Variants in SLC9A3 observed in about 807,000 individuals in gnomAD.
The protein encoded by SLC9A3 is solute carrier family 9 member A3, also known as sodium/hydrogen exchanger 3.
Under a neutral mutation model 86.8 loss-of-function variants are expected in SLC9A3, and 37 were observed. That is an observed-to-expected ratio of 0.43 (90% CI 0.33 to 0.56). The LOEUF is 0.56. Ranked by LOEUF, SLC9A3 falls within the 20% of genes least tolerant of loss-of-function variation. The pLI is 0.06. For missense variants in SLC9A3, 1,011 were observed against 1,171.9 expected, an observed-to-expected ratio of 0.86 and a Z score of 2.00; for synonymous variants, 581 against 528.3, an observed-to-expected ratio of 1.10 and a Z score of -1.37.
chr5:482,654 G>A lies in SLC9A3; in HGVS notation c.1250C>T (p.Ala417Val). 6.2e-7 allele frequency: 1 copy of A among 1,612,662 alleles called. No individual in the cohort carries two copies. The change falls in exon 7 of 17, where the codon GCC (alanine) becomes GTC (valine). Residue 417 changes from alanine to valine, a missense_variant. Coordinates refer to ENST00000264938, the MANE Select transcript of SLC9A3 (RefSeq NM_004174.4). ...VVLSYGGLRGAVAFALVVLLD... is the reference protein window; with the variant it reads ...VVLSYGGLRGVVAFALVVLLD... ...AAGCACCACCAGGGCAAAGGCCACG[G>A]CCCCGCGCAGGCCCCCGTAGGACAG... is the stretch of plus-strand genomic sequence containing the variant.
chr5:477,525 C>T (rs2126607411), intron 10 of SLC9A3, 81 bp from the exon 11 acceptor site: 2 of 944,836 alleles, frequency 2.1e-6, no homozygotes, highest in East Asian at 2.9e-5. Flanking sequence ...GGGGGAAGCG[C>T]CCAGAGCTCG....
Position 471,822 on chromosome 5 carries a change from C to G in SLC9A3, c.*1557G>C. ...GCAGGCTTTTGTGTGGCTGACGCTT[C>G]CCTTTTTCACAACAGTAAAAAGCTA... On this transcript the variant is annotated 3_prime_UTR_variant, in exon 17 of 17. Coordinates refer to ENST00000264938, the MANE Select transcript of SLC9A3 (RefSeq NM_004174.4). The G allele has an allele frequency of 4.4e-6, 2 of 456,624 alleles. No homozygotes were observed. The highest frequency in any genetic ancestry group is 3.1e-5 in the South Asian group (2 of 64,566). The allele number at this position is 456,624 out of a possible 1,614,324, so 28.3% of individuals were successfully genotyped here.
chr5:492,867 G>A (rs1361723794), intron 1 of SLC9A3, among the ~76,000 whole-genome samples: 2 of 152,082 alleles, frequency 1.3e-5, no homozygotes, highest in African/African-American at 4.8e-5. Flanking sequence ...CCCTCTCCTC[G>A]TGCCCCTCTC....
chr5:493,648 C>A (rs1739894937), intron 1 of SLC9A3, among the ~76,000 whole-genome samples: 1 of 152,276 alleles, frequency 6.6e-6, no homozygotes, highest in Non-Finnish European at 1.5e-5. Context: ...CAGCACTGCA[C>A]TGCGGTCTCC....
chr5:516,608 G>A (rs1733738601), intron 1 of SLC9A3, among the ~76,000 whole-genome samples: 1 of 152,228 alleles, frequency 6.6e-6, no homozygotes, highest in Admixed American at 6.5e-5. Context: ...ATATAGCTAA[G>A]GCATAGCTAA....
In SLC9A3 at chr5:472,086, C is replaced by T. The variant is rs1036159630; in HGVS notation, c.*1293G>A. On this transcript the variant is annotated 3_prime_UTR_variant, in exon 17 of 17. Transcript: ENST00000264938. ...GCAGGCAGGTTTCAGGTGGGTTGGA[C>T]CCTGTGGGACTTGCCGTCTGAGGGA... 12 of 432,904 alleles carry T rather than the reference C, an allele frequency of 2.8e-5. No individual in the cohort carries two copies. Among genetic ancestry groups the T allele is most frequent in the Non-Finnish European group, 4.7e-5 (10 of 214,676 alleles). 26.8% of individuals were successfully genotyped at this position (432,904 alleles called of 1,614,324 possible).
At chr5:509,449 A>AGGAAGGAAGGAGGGAGGGAG (rs1740777827) in intron 1 of SLC9A3, among the ~76,000 whole-genome samples, 1 of 131,386 alleles carries the variant, frequency 7.6e-6, no homozygotes, top group Non-Finnish European at 1.6e-5. Flanking sequence ...GTGAGATGGA[A>AGGAAGGAAGGAGGGAGGGAG]GGAAGGAAGG....
At position 491,900 on chromosome 5, in the gene SLC9A3, C is replaced by A; in HGVS notation, c.383G>T (p.Gly128Val). The A allele has an allele frequency of 6.2e-7, 1 of 1,611,364 alleles. No homozygotes were observed. The highest frequency in any genetic ancestry group is 1.1e-5 in the South Asian group (1 of 90,894). ...GAAGAGGCGGTTGGGCATGAAGTAG[C>A]CGGCGTCCAGCACGATGGGGGGCAG... is the stretch of plus-strand genomic sequence containing the variant. ...YLLPPIVLDA[G>V]YFMPNRLFFG... Residue 128 changes from glycine to valine, a missense_variant, in exon 2 of 17, where the codon GGC becomes GTC. Coordinates refer to ENST00000264938, the MANE Select transcript of SLC9A3 (RefSeq NM_004174.4). The surrounding 1 kb of genome is among the most constrained non-coding windows in gnomAD (Gnocchi z 9.2).
chr5:496,133 G>A lies in SLC9A3; in HGVS notation c.212-4062C>T, dbSNP rs547038426. 6.6e-6 allele frequency among the ~76,000 whole-genome samples: 1 copy of A among 152,330 alleles called. No homozygotes were observed. The highest frequency in any genetic ancestry group is 2.1e-4 in the South Asian group (1 of 4,832). ...TTACTGAGAAAATATACATATATAC[G>A]CACAAACGCCGCATAGGTGGGAGGG... On this transcript the variant is annotated intron_variant, in intron 1 of 16. Coordinates refer to ENST00000264938, the MANE Select transcript of SLC9A3 (RefSeq NM_004174.4). The surrounding 1 kb of genome is among the most constrained non-coding windows in gnomAD (Gnocchi z 4.7).
In SLC9A3 at chr5:497,359, C is replaced by T. The variant is rs905192338; in HGVS notation, c.212-5288G>A. 2.0e-5 allele frequency among the ~76,000 whole-genome samples: 3 copies of T among 152,120 alleles called. No homozygotes were observed. Among genetic ancestry groups the T allele is most frequent in the Admixed American group, 6.5e-5 (1 of 15,276 alleles). The stretch of plus-strand genomic sequence containing the variant: ...CCTCGAAACCTGGTTTCTCTGCTCC[C>T]GGGTCTCAAATCCGGGTTCTTCCCT... On this transcript the variant is annotated intron_variant, in intron 1 of 16. Coordinates refer to ENST00000264938, the MANE Select transcript of SLC9A3 (RefSeq NM_004174.4). This position sits in a 1 kb window ranked among gnomAD's most constrained non-coding sequence, Gnocchi z 5.4.
At chr5:514,695 C>T (rs571720961) in intron 1 of SLC9A3, among the ~76,000 whole-genome samples, 1 of 152,372 alleles carries the variant, frequency 6.6e-6, no homozygotes, top group African/African-American at 2.4e-5. Flanking sequence ...TGCTGTTCTT[C>T]CACACTTTGT....
intron 5 of SLC9A3, 76 bp from the exon 6 acceptor site, chr5:483,558 A>C: frequency 1.9e-6 from 2 of 1,046,392 alleles, no homozygotes; most frequent in East Asian, 2.6e-5. Flanking sequence ...CCAGCCCCCC[A>C]CGGCCTGGCG....
intron 1 of SLC9A3, among the ~76,000 whole-genome samples, chr5:522,194 C>T (rs553114631): frequency 7.9e-5 from 12 of 152,320 alleles, no homozygotes; most frequent in South Asian, 6.2e-4. Flanking sequence ...TGTAAAGGAC[C>T]GCCCTGCCCC....
chr5:480,028 G>A (rs756084605), intron 9 of SLC9A3, 63 bp from the exon 10 acceptor site: 30 of 1,567,270 alleles, frequency 1.9e-5, no homozygotes, highest in Non-Finnish European at 2.4e-5. Flanking sequence ...CGCCGGACGC[G>A]TGGCCCGGCC....
At chr5:478,679 T>C (rs1336073570) in intron 10 of SLC9A3, 1 of 154,612 alleles carries the variant, frequency 6.5e-6, no homozygotes, top group Non-Finnish European at 1.5e-5. Flanking sequence ...CCTGCCAACC[T>C]TGTCACCTAT....
At position 491,626 on chromosome 5, in the gene SLC9A3, C is replaced by CG. The variant is rs1044873946; in HGVS notation, c.514+142dup. On this transcript the variant is annotated intron_variant, in intron 2 of 16. Transcript: ENST00000264938. The surrounding 1 kb of genome is among the most constrained non-coding windows in gnomAD (Gnocchi z 9.2). ...GACTGGCCTTGGTCACGAGGGCCTA[C>CG]GGGGCTGCCAGCCACGTTTCTCACC... is the stretch of plus-strand genomic sequence containing the variant. 2.8e-6 allele frequency: 2 copies of CG among 708,020 alleles called. No homozygotes were observed. Among genetic ancestry groups the CG allele is most frequent in the Non-Finnish European group, 4.5e-6 (2 of 445,312 alleles). The allele number at this position is 708,020 out of a possible 1,614,324, so 43.9% of individuals were successfully genotyped here.
intron 1 of SLC9A3, among the ~76,000 whole-genome samples, chr5:500,985 C>T (rs1740254415): frequency 6.8e-6 from 1 of 146,454 alleles, no homozygotes; most frequent in Non-Finnish European, 1.5e-5. Context: ...GGCTTCCACA[C>T]AAGGGGACAA....
At position 472,933 on chromosome 5, in the gene SLC9A3, C is replaced by A; in HGVS notation, c.*446G>T. 2 of 542,400 alleles carry A rather than the reference C, an allele frequency of 3.7e-6. No homozygotes were observed. The highest frequency in any genetic ancestry group is 4.1e-5 in the South Asian group (2 of 49,212). The allele number at this position is 542,400 out of a possible 1,614,324, so 33.6% of individuals were successfully genotyped here. On this transcript the variant is annotated 3_prime_UTR_variant, in exon 17 of 17. Coordinates refer to ENST00000264938, the MANE Select transcript of SLC9A3 (RefSeq NM_004174.4). ...GTGGGAAAGGGCGCGAGCGGCCAGC[C>A]ATGGCGCGCGGACCCTTCCCGCCGG...
At position 494,254 on chromosome 5, in the gene SLC9A3, G is replaced by A. The variant is rs151288931; in HGVS notation, c.212-2183C>T. On this transcript the variant is annotated intron_variant, in intron 1 of 16. Transcript: ENST00000264938. ...GCCCTCCCCAGATCTGGGCTCACGGGGCTGGCAGCCCAGCAGGAAAACAGG... is the reference window on the plus strand; with the variant it reads ...GCCCTCCCCAGATCTGGGCTCACGGAGCTGGCAGCCCAGCAGGAAAACAGG... Among the ~76,000 whole-genome samples the A allele has an allele frequency of 6.9e-3, 1,045 of 152,346 alleles. 14 individuals are homozygous for A. The highest frequency in any genetic ancestry group is 0.024 in the African/African-American group (1,006 of 41,582).
Sources: allele counts gnomAD v4.1 joint callset (sites outside exome capture counted in the v4.1 genomes callset), GRCh38; gene constraint gnomAD v4.1.1; non-coding constraint Gnocchi (gnomAD v3.1); transcripts MANE v1.5; gene names NCBI Gene and HGNC (gene_info 2026-07-23, HGNC 2026-07-21).